The following HCN1 variants were observed in gnomAD, a reference collection of about 807,000 sequenced individuals.
The protein encoded by HCN1 is potassium/sodium hyperpolarization-activated cyclic nucleotide-gated channel 1.
Under a neutral mutation model 78.9 loss-of-function variants are expected in HCN1, and 13 were observed. The observed-to-expected ratio is 0.16, with a 90% CI of 0.11 to 0.26. The LOEUF is 0.26. HCN1 is among the 10% of genes least tolerant of loss of function. The pLI is 1.00. For synonymous variants in HCN1, 552 were observed against 455.5 expected (o/e 1.21, Z -2.70); for missense variants, 810 against 1,154.3 (o/e 0.70, Z 4.32).
chr5:45,682,293 A>ATATATATATATATACG (rs1739720089), intron 1 of HCN1, among the ~76,000 whole-genome samples: 5 of 147,522 alleles, frequency 3.4e-5, no homozygotes, highest in African/African-American at 1.2e-4. Flanking sequence ...ATATATACAC[A>ATATATATATATATACG]TATATATATC....
At position 45,344,919 on chromosome 5, in the gene HCN1, A is replaced by G. The variant is rs1037273562; in HGVS notation, c.1377+8181T>C. ...TCCACTAGGCAGTGACCCAGTGGAGACTCCCTGTGGGGGTTCTGACCTCAC... is the reference window on the plus strand; with the variant it reads ...TCCACTAGGCAGTGACCCAGTGGAGGCTCCCTGTGGGGGTTCTGACCTCAC... On this transcript the variant is annotated intron_variant, in intron 5 of 7. Coordinates refer to ENST00000303230, the MANE Select transcript of HCN1 (RefSeq NM_021072.4). Among the ~76,000 whole-genome samples, 55 of 151,744 alleles carry G rather than the reference A, an allele frequency of 3.6e-4. 1 individual carries two copies. The highest frequency in any genetic ancestry group is 1.3e-3 in the African/African-American group (55 of 41,334).
chr5:45,322,885 T>C (rs1746150848), intron 5 of HCN1, among the ~76,000 whole-genome samples: 1 of 151,854 alleles, frequency 6.6e-6, no homozygotes, highest in South Asian at 2.1e-4. Flanking sequence ...AAGTGAAACC[T>C]ACTACTACTA....
At chr5:45,630,863 T>C (rs1580007841) in intron 2 of HCN1, among the ~76,000 whole-genome samples, 1 of 152,180 alleles carries the variant, frequency 6.6e-6, no homozygotes, top group East Asian at 1.9e-4. Context: ...GACTAGACTT[T>C]AGGCTATTTA....
chr5:45,560,352 T>G (rs1743571649), intron 2 of HCN1, among the ~76,000 whole-genome samples: 1 of 152,040 alleles, frequency 6.6e-6, no homozygotes, highest in Non-Finnish European at 1.5e-5. Context: ...GGAAAGTGAT[T>G]AAGCAAAAAG....
At chr5:45,402,634 T>C (rs1043299434) in intron 3 of HCN1, among the ~76,000 whole-genome samples, 2 of 152,092 alleles carry the variant, frequency 1.3e-5, no homozygotes, top group Non-Finnish European at 2.9e-5. Context: ...TTAAATAATA[T>C]AAAAGTATAA....
rs376246540 is a variant in HCN1, at chr5:45,522,029, A to G, written c.850-60022T>C. ...CTTAAATTTTAAAACACTATAAACTAAATGACTTTGCAATTTTATTCAACT... is the reference window on the plus strand; with the variant it reads ...CTTAAATTTTAAAACACTATAAACTGAATGACTTTGCAATTTTATTCAACT... On this transcript the variant is annotated intron_variant, in intron 2 of 7. Coordinates refer to ENST00000303230, the MANE Select transcript of HCN1 (RefSeq NM_021072.4). 7.9e-5 allele frequency among the ~76,000 whole-genome samples: 12 copies of G among 152,126 alleles called. No individual in the cohort carries two copies. The East Asian group carries it at 2.3e-3, about 29-fold the overall frequency.
intron 4 of HCN1, among the ~76,000 whole-genome samples, chr5:45,386,760 G>A (rs1351993641): frequency 6.6e-6 from 1 of 152,070 alleles, no homozygotes; most frequent in Non-Finnish European, 1.5e-5. Context: ...AAAAACTTGA[G>A]TCTATTTACA....
At chr5:45,628,438 T>C (rs966505037) in intron 2 of HCN1, among the ~76,000 whole-genome samples, 1 of 152,110 alleles carries the variant, frequency 6.6e-6, no homozygotes, top group African/African-American at 2.4e-5. Context: ...AAGGAAAAGA[T>C]AGAACAAAAA....
intron 2 of HCN1, among the ~76,000 whole-genome samples, chr5:45,474,885 C>A (rs939945182): frequency 2.0e-5 from 3 of 151,572 alleles, no homozygotes; most frequent in Non-Finnish European, 2.9e-5. Context: ...ATTTTGAATG[C>A]GGAAAGAAAG....
At chr5:45,536,424 A>T (rs1176295668) in intron 2 of HCN1, among the ~76,000 whole-genome samples, 2 of 152,058 alleles carry the variant, frequency 1.3e-5, no homozygotes, top group Non-Finnish European at 2.9e-5. Flanking sequence ...AACTCAACTG[A>T]CTTTATTTCC....
intron 1 of HCN1, among the ~76,000 whole-genome samples, chr5:45,686,690 G>T (rs954880932): frequency 1.3e-5 from 2 of 152,144 alleles, no homozygotes; most frequent in Admixed American, 1.3e-4. Flanking sequence ...TACAAAATAT[G>T]AAAGTCATCA....
intron 2 of HCN1, among the ~76,000 whole-genome samples, chr5:45,604,670 G>T (rs1744692404): frequency 6.6e-6 from 1 of 151,940 alleles, no homozygotes; most frequent in African/African-American, 2.4e-5. Context: ...TGCTTTAGCT[G>T]TAAGAACTGG....
intron 4 of HCN1, among the ~76,000 whole-genome samples, chr5:45,391,982 T>A (rs1373774482): frequency 6.6e-6 from 1 of 152,076 alleles, no homozygotes; most frequent in African/African-American, 2.4e-5. Flanking sequence ...AAGGTAAGAA[T>A]CACTTGGTAT....
At chr5:45,374,125 A>AAT (rs1469923590) in intron 4 of HCN1, among the ~76,000 whole-genome samples, 1 of 106,200 alleles carries the variant, frequency 9.4e-6, no homozygotes, top group Non-Finnish European at 1.8e-5. Context: ...TAATATATAT[A>AAT]ATATATATTA....
chr5:45,545,378 T>C (rs915383075), intron 2 of HCN1, among the ~76,000 whole-genome samples: 1 of 151,314 alleles, frequency 6.6e-6, no homozygotes, highest in Non-Finnish European at 1.5e-5. Flanking sequence ...TTGTAAAAAT[T>C]TTCTCCCATT....
chr5:45,373,773 AT>A (rs1344088770), intron 4 of HCN1, among the ~76,000 whole-genome samples: 1 of 122,044 alleles, frequency 8.2e-6, no homozygotes, highest in Non-Finnish European at 1.6e-5. Context: ...GTCATCTATA[AT>A]ATATTACATA....
intron 4 of HCN1, among the ~76,000 whole-genome samples, chr5:45,390,524 A>G (rs1739531722): frequency 6.6e-6 from 1 of 152,154 alleles, no homozygotes; most frequent in African/African-American, 2.4e-5. Context: ...ACAGCAAAAA[A>G]CTAAATTAAG....
chr5:45,483,108 C>A (rs979969751), intron 2 of HCN1, among the ~76,000 whole-genome samples: 1 of 152,130 alleles, frequency 6.6e-6, no homozygotes, highest in Non-Finnish European at 1.5e-5. Context: ...AATTTATTTT[C>A]TTTGGGGTAT....
intron 2 of HCN1, among the ~76,000 whole-genome samples, chr5:45,638,698 T>C (rs1376861577): frequency 6.6e-6 from 1 of 151,764 alleles, no homozygotes; most frequent in Non-Finnish European, 1.5e-5. Context: ...AGGTCAGGAG[T>C]TCAAGACCAG....
Sources: gnomAD v4.1 joint callset for allele counts (sites outside exome capture counted in the v4.1 genomes callset) on GRCh38, gnomAD v4.1.1 for gene constraint, MANE v1.5 for transcripts, NCBI Gene and HGNC (gene_info 2026-07-23, HGNC 2026-07-21) for gene names.